Variants in SAMMSON observed in about 807,000 individuals in gnomAD.
The protein encoded by SAMMSON is long intergenic non-protein coding RNA 1212.
At chr3:70,080,981 T>C (rs1303609216) in intron 4 of SAMMSON, among the ~76,000 whole-genome samples, 1 of 152,190 alleles carries the variant, frequency 6.6e-6, no homozygotes, top group African/African-American at 2.4e-5. Flanking sequence ...CAAAAGTTGT[T>C]TCTTTGAACG....
At chr3:70,300,932 G>A (rs113523962) in intron 7 of SAMMSON, among the ~76,000 whole-genome samples, 3 of 151,928 alleles carry the variant, frequency 2.0e-5, no homozygotes, top group East Asian at 1.9e-4. Flanking sequence ...CAAGAAAGCC[G>A]TTAGTGCAAT....
intron 4 of SAMMSON, among the ~76,000 whole-genome samples, chr3:70,167,147 C>A: frequency 6.6e-6 from 1 of 151,908 alleles, no homozygotes; most frequent in East Asian, 1.9e-4. Context: ...TCTTTAAAAT[C>A]CAATGTGTAC....
chr3:70,250,478 C>T (rs556807798), intron 6 of SAMMSON, among the ~76,000 whole-genome samples: 1 of 150,756 alleles, frequency 6.6e-6, no homozygotes, highest in South Asian at 2.1e-4. Flanking sequence ...TGATTTCCAA[C>T]GAGATGTAAA....
intron 3 of SAMMSON, among the ~76,000 whole-genome samples, chr3:70,041,110 G>C (rs756996236): frequency 6.6e-6 from 1 of 152,070 alleles, no homozygotes; most frequent in African/African-American, 2.4e-5. Context: ...TTTGCATGGG[G>C]CTTCTTCTAA....
intron 4 of SAMMSON, among the ~76,000 whole-genome samples, chr3:70,153,381 TGGGGGAA>T (rs2067579282): frequency 6.6e-6 from 1 of 151,968 alleles, no homozygotes; most frequent in African/African-American, 2.4e-5. Context: ...ATTTTCTGTT[TGGGGGAA>T]CCCTGCAAGT....
At chr3:70,211,483 T>C (rs1188508736) in intron 4 of SAMMSON, among the ~76,000 whole-genome samples, 4 of 52,480 alleles carry the variant, frequency 7.6e-5, no homozygotes, top group African/African-American at 2.6e-4. Flanking sequence ...CTTCCCTTCC[T>C]TTCCCTTCCC....
intron 2 of SAMMSON, among the ~76,000 whole-genome samples, chr3:70,425,656 G>T (rs528773461): frequency 3.3e-5 from 5 of 151,744 alleles, no homozygotes; most frequent in Non-Finnish European, 7.4e-5. Context: ...CTCATGATCC[G>T]CCCGCCTCCC....
At chr3:70,257,803 A>G (rs1388165895) in intron 6 of SAMMSON, among the ~76,000 whole-genome samples, 1 of 152,210 alleles carries the variant, frequency 6.6e-6, no homozygotes, top group East Asian at 1.9e-4. Context: ...GTAGAAATGC[A>G]ATAGATCTAG....
intron 4 of SAMMSON, among the ~76,000 whole-genome samples, chr3:70,135,344 T>C (rs1576131357): frequency 6.6e-6 from 1 of 152,172 alleles, no homozygotes; most frequent in South Asian, 2.1e-4. Context: ...AGTAAGTTAA[T>C]GTAAATGAAA....
intron 7 of SAMMSON, among the ~76,000 whole-genome samples, chr3:70,310,158 T>G (rs905161021): frequency 2.6e-5 from 4 of 151,982 alleles, no homozygotes; most frequent in Admixed American, 1.3e-4. Context: ...TTAAAAGACC[T>G]TTTCAAAAAA....
At chr3:70,312,944 T>C (rs955069766) in intron 7 of SAMMSON, among the ~76,000 whole-genome samples, 2 of 152,192 alleles carry the variant, frequency 1.3e-5, no homozygotes, top group Non-Finnish European at 2.9e-5. Context: ...TTGAAAAATA[T>C]ACACAGGCTA....
chr3:70,028,569 G>GA (rs2067051909), intron 3 of SAMMSON, among the ~76,000 whole-genome samples: 4 of 151,808 alleles, frequency 2.6e-5, no homozygotes, highest in Admixed American at 1.3e-4. Context: ...TGCATTAGTT[G>GA]GAAAAAAATC....
intron 4 of SAMMSON, among the ~76,000 whole-genome samples, chr3:70,188,563 CA>C (rs1257790103): frequency 2.0e-5 from 3 of 152,092 alleles, no homozygotes; most frequent in Non-Finnish European, 2.9e-5. Flanking sequence ...GAATAAGTCT[CA>C]AAAAGTTGAT....
chr3:70,072,646 G>GAAAAAAAAAAAAAAAAAAAAA (rs35807309), intron 4 of SAMMSON: 12 of 87,682 alleles, frequency 1.4e-4, no homozygotes, highest in East Asian at 3.2e-4. Flanking sequence ...AACAGCAAAG[G>GAAAAAAAAAAAAAAAAAAAAA]AAAAAAAAAA....
At chr3:70,384,852 G>A (rs982045121) in intron 9 of SAMMSON, among the ~76,000 whole-genome samples, 7 of 152,084 alleles carry the variant, frequency 4.6e-5, no homozygotes, top group Middle Eastern at 3.2e-3. Flanking sequence ...TTTCTAGGAT[G>A]ATGGAAATGT....
intron 9 of SAMMSON, among the ~76,000 whole-genome samples, chr3:70,371,991 A>G (rs1702974164): frequency 6.6e-6 from 1 of 152,006 alleles, no homozygotes; most frequent in South Asian, 2.1e-4. Flanking sequence ...GGCCTTTATT[A>G]TGTTGAGGTA....
intron 6 of SAMMSON, among the ~76,000 whole-genome samples, chr3:70,270,033 T>C (rs1701958930): frequency 6.6e-6 from 1 of 152,122 alleles, no homozygotes; most frequent in Non-Finnish European, 1.5e-5. Context: ...GATAAATAAA[T>C]CCATGAGTTT....
chr3:70,307,208 T>G (rs569442901), intron 7 of SAMMSON, among the ~76,000 whole-genome samples: 4 of 152,258 alleles, frequency 2.6e-5, no homozygotes, highest in South Asian at 2.1e-4. Context: ...GGTGGTGGTG[T>G]TGTTATTGTT....
intron 3 of SAMMSON, chr3:70,069,031 A>C (rs370997781): frequency 1.3e-5 from 2 of 152,114 alleles, no homozygotes; most frequent in East Asian, 1.9e-4. Context: ...TCTCATGGGC[A>C]TAACTTGCAC....
Sources: gnomAD v4.1 joint callset for allele counts (sites outside exome capture counted in the v4.1 genomes callset) on GRCh38, gnomAD v4.1.1 for gene constraint, MANE v1.5 for transcripts, NCBI Gene and HGNC (gene_info 2026-07-23, HGNC 2026-07-21) for gene names.